TTC21A: variants seen among roughly 807,000 people sequenced by gnomAD.
The protein encoded by TTC21A is tetratricopeptide repeat domain 21A.
In TTC21A, 128 loss-of-function variants were observed where a neutral mutation model predicts 156.4. The observed-to-expected ratio is 0.82, with a 90% CI of 0.71 to 0.95. The LOEUF (loss-of-function observed/expected upper bound fraction) is 0.95, where lower values mean the gene tolerates loss of function less well. Among genes scored for constraint, TTC21A ranks in the 40% least tolerant of loss-of-function variants. The probability of loss-of-function intolerance (pLI) is 0.00; values close to 1 mark genes in which losing one functional copy is unlikely to be tolerated. For synonymous variants in TTC21A, 587 were observed against 617.1 expected (o/e 0.95, Z 0.72); for missense variants, 1,435 against 1,602.3 (o/e 0.90, Z 1.78).
Position 39,130,754 on chromosome 3 carries a change from C to T in TTC21A, c.2373C>T (p.Cys791=). 6.2e-7 allele frequency: 1 copy of T among 1,614,188 alleles called. No individual in the cohort carries two copies. The highest frequency in any genetic ancestry group is 8.5e-7 in the Non-Finnish European group (1 of 1,180,026). Residue 791 remains cysteine (C), a synonymous_variant, in exon 18 of 29, where the codon TGC becomes TGT. Transcript: ENST00000683103. The surrounding 1 kb of genome is among the most constrained non-coding windows in gnomAD (Gnocchi z 4.5). ...AQKINGQDFL[C]CDLGKLLLKL... ...AGATTAATGGACAGGACTTTCTGTGCTGCGATCTGGGCAAACTGCTCCTGA... is the reference window on the plus strand; with the variant it reads ...AGATTAATGGACAGGACTTTCTGTGTTGCGATCTGGGCAAACTGCTCCTGA...
intron 22 of TTC21A, 65 bp downstream of exon 22, chr3:39,135,239 A>G: frequency 1.4e-6 from 2 of 1,392,354 alleles, no homozygotes; most frequent in Non-Finnish European, 2.0e-6. Flanking sequence ...CTCCCAGAGA[A>G]GGGTGGGACC....
rs530005579 is a variant in TTC21A at position 39,122,818 on chromosome 3, G to A, written c.1093+1629G>A. Among the ~76,000 whole-genome samples the A allele has an allele frequency of 1.1e-4, 17 of 152,348 alleles. No individual in the cohort carries two copies. The East Asian group carries it at 2.5e-3, about 22-fold the overall frequency. On this transcript the variant is annotated intron_variant, in intron 9 of 28. Coordinates refer to ENST00000683103, the MANE Select transcript of TTC21A (RefSeq NM_001366900.1). ...TCCCTACTTCCTCCTTCAAGGGGCAGAGTCCCAGTGGTTAGCCAGAGGAAA... is the reference window on the plus strand; with the variant it reads ...TCCCTACTTCCTCCTTCAAGGGGCAAAGTCCCAGTGGTTAGCCAGAGGAAA...
Position 39,133,241 on chromosome 3 carries a change from G to A in TTC21A, c.2751+1G>A. The A allele has an allele frequency of 6.2e-7, 1 of 1,611,434 alleles. No individual in the cohort carries two copies. The highest frequency in any genetic ancestry group is 8.5e-7 in the Non-Finnish European group (1 of 1,178,130). ...CTCCTACTTGCCAACTGACAATAAG[G>A]TGAGTGGCCCTCAAAGCAAGAGGCT... On this transcript the variant is annotated splice_donor_variant, in intron 20 of 28. Coordinates refer to ENST00000683103, the MANE Select transcript of TTC21A (RefSeq NM_001366900.1). LOFTEE classifies it high-confidence loss of function.
Position 39,114,578 on chromosome 3 carries a change from C to A in TTC21A, c.559-7C>A, listed in dbSNP as rs1440525927. The A allele has an allele frequency of 1.9e-6, 3 of 1,614,020 alleles. No individual in the cohort carries two copies. The highest frequency in any genetic ancestry group is 2.2e-5 in the South Asian group (2 of 91,066). ...TCACGGAGGCTCTTCTGTCTGGCTCCCAACAGGCAATGTACTTCATGATGC... is the reference window on the plus strand; with the variant it reads ...TCACGGAGGCTCTTCTGTCTGGCTCACAACAGGCAATGTACTTCATGATGC... On this transcript the variant is annotated splice_region_variant and splice_polypyrimidine_tract_variant and intron_variant, in intron 5 of 28. Coordinates refer to ENST00000683103, the MANE Select transcript of TTC21A (RefSeq NM_001366900.1).
chr3:39,137,377 C>T lies in TTC21A; in HGVS notation c.3440C>T (p.Ala1147Val), dbSNP rs1248539444. 3.7e-6 allele frequency: 6 copies of T among 1,612,732 alleles called. No individual in the cohort carries two copies. The highest frequency in any genetic ancestry group is 2.2e-5 in the East Asian group (1 of 44,868). Reference sequence around the variant, plus strand: ...GCGCTGGGCAGCTTCATCCAGATAGCGCAGGCTGAGGTGTGGCTGGTGGGG... The same window carrying T: ...GCGCTGGGCAGCTTCATCCAGATAGTGCAGGCTGAGGTGTGGCTGGTGGGG... ...EAALGSFIQI[A>V]QAEKDSVPAL... is the part of the protein sequence containing the mutation. Residue 1147 changes from alanine to valine, a missense_variant, in exon 25 of 29, where the codon GCG becomes GTG. By Grantham distance (64) the Ala-to-Val change is moderately conservative. Transcript: ENST00000683103.
At chr3:39,119,462 G>T (rs1185729485) in intron 7 of TTC21A, 1 of 152,734 alleles carries the variant, frequency 6.5e-6, no homozygotes, top group East Asian at 1.9e-4. Context: ...TGGAGCAGAG[G>T]CTTCTGGGCC....
chr3:39,135,647 C>T (rs2039058155), intron 22 of TTC21A, among the ~76,000 whole-genome samples: 1 of 152,206 alleles, frequency 6.6e-6, no homozygotes, highest in South Asian at 2.1e-4. Context: ...AGTATGGGTG[C>T]TGGGGCCAGG....
In TTC21A at chr3:39,137,822, G is replaced by A. The variant is rs190522068; in HGVS notation, c.3675+112G>A. 94 of 1,185,998 alleles carry A rather than the reference G, an allele frequency of 7.9e-5. No homozygotes were observed. In the East Asian group the frequency reaches 1.4e-3, roughly 18 times the overall value. The allele number at this position is 1,185,998 out of a possible 1,614,324, so 73.5% of individuals were successfully genotyped here. On this transcript the variant is annotated intron_variant, in intron 26 of 28. Transcript: ENST00000683103. ...AGGCCATATGGAATAAGAACTAGTC[G>A]GGAAGAGGCAGGCTGAGAGGGGCAC...
intron 6 of TTC21A, among the ~76,000 whole-genome samples, chr3:39,116,189 C>T (rs1293625261): frequency 6.6e-6 from 1 of 152,248 alleles, no homozygotes; most frequent in Non-Finnish European, 1.5e-5. Flanking sequence ...ATCCAGTGCC[C>T]CAGCGTGTTC....
At chr3:39,116,097 T>C (rs1374651207) in intron 6 of TTC21A, among the ~76,000 whole-genome samples, 2 of 152,240 alleles carry the variant, frequency 1.3e-5, no homozygotes, top group Non-Finnish European at 2.9e-5. Flanking sequence ...GCTGAAGCCA[T>C]ATGTGGATGT....
At chr3:39,124,658 C>CAAAAAAAAAAAAGAAA (rs2038059301) in intron 9 of TTC21A, among the ~76,000 whole-genome samples, 2 of 71,040 alleles carry the variant, frequency 2.8e-5, no homozygotes, top group Non-Finnish European at 5.7e-5. Flanking sequence ...AACTCCGTCT[C>CAAAAAAAAAAAAGAAA]AAAAAAAAAA....
Position 39,130,494 on chromosome 3 carries a change from C to A in TTC21A, c.2319+136C>A. 2 of 929,648 alleles carry A rather than the reference C, an allele frequency of 2.2e-6. No homozygotes were observed. The allele number at this position is 929,648 out of a possible 1,614,324, so 57.6% of individuals were successfully genotyped here. ...ACTCAGCTCCTTGCTGAATGGGGTG[C>A]CAAGGGGAGAACTCAGCAACTCTCT... On this transcript the variant is annotated intron_variant, in intron 17 of 28. Transcript: ENST00000683103. This position sits in a 1 kb window ranked among gnomAD's most constrained non-coding sequence, Gnocchi z 4.5.
intron 9 of TTC21A, 42 bp from the exon 10 acceptor site, chr3:39,125,021 C>T (rs763986979): frequency 1.4e-5 from 19 of 1,321,154 alleles, no homozygotes; most frequent in Non-Finnish European, 2.0e-5. Flanking sequence ...GCTGGCTATG[C>T]TTCAGTGTTA....
intron 9 of TTC21A, 144 bp downstream of exon 9, chr3:39,121,333 T>G: frequency 1.5e-6 from 1 of 681,840 alleles, no homozygotes; most frequent in Non-Finnish European, 2.5e-6. Flanking sequence ...GGGGTATCTT[T>G]CTGGGAATCC....
At chr3:39,129,361 G>A (rs1222875071) in intron 15 of TTC21A, 51 bp downstream of exon 15, 6 of 1,377,028 alleles carry the variant, frequency 4.4e-6, no homozygotes, top group Non-Finnish European at 6.2e-6. Flanking sequence ...TGGTATCTTA[G>A]GGAGTGTTTC....
At chr3:39,111,696 A>G (rs1213552822) in intron 4 of TTC21A, among the ~76,000 whole-genome samples, 1 of 152,256 alleles carries the variant, frequency 6.6e-6, no homozygotes, top group African/African-American at 2.4e-5. Flanking sequence ...ATATATATAC[A>G]GTACACAATA....
At position 39,109,121 on chromosome 3, in the gene TTC21A, C is replaced by T. The variant is rs1559662297; in HGVS notation, c.64C>T (p.His22Tyr). Residue 22 changes from histidine to tyrosine, a missense_variant, in exon 2 of 29, where the codon CAC becomes TAC. His to Tyr is a moderately conservative substitution (Grantham distance 83). Transcript: ENST00000683103. The stretch of plus-strand genomic sequence containing the variant: ...TTACTATAGCCAGGAAAAGTACTTC[C>T]ACCATGTGCAGCAGGCTGCAGCTGT... ...IIYYSQEKYF[H>Y]HVQQAAAVGL... 1.2e-6 allele frequency: 2 copies of T among 1,614,136 alleles called. No homozygotes were observed. Among genetic ancestry groups the T allele is most frequent in the South Asian group, 1.1e-5 (1 of 91,084 alleles).
chr3:39,110,511 C>T (rs916351941), intron 3 of TTC21A: 2 of 499,670 alleles, frequency 4.0e-6, no homozygotes, highest in Admixed American at 6.7e-5. Context: ...CCAAGAGAGA[C>T]TACAGACTAC....
rs115927970 is a variant in TTC21A, at chr3:39,126,912, C to T, written c.1522+522C>T. On this transcript the variant is annotated intron_variant, in intron 12 of 28. Transcript: ENST00000683103. ...AATTGACAACTGAATACAAGCTCCA[C>T]GAGGGAGCACATCGTATTTTTTTGC... Among the ~76,000 whole-genome samples, 1,273 of 152,268 alleles carry T rather than the reference C, an allele frequency of 8.4e-3. 14 individuals are homozygous for T. The highest frequency in any genetic ancestry group is 0.027 in the African/African-American group (1,109 of 41,530).
Sources: gnomAD v4.1 joint callset for allele counts (sites outside exome capture counted in the v4.1 genomes callset) on GRCh38, gnomAD v4.1.1 for gene constraint, Gnocchi (gnomAD v3.1) non-coding constraint, MANE v1.5 for transcripts, NCBI Gene and HGNC (gene_info 2026-07-23, HGNC 2026-07-21) for gene names.